Variants in NRG2 observed in about 807,000 individuals in gnomAD.
NRG2 encodes the protein neuregulin 2.
In NRG2, 27 loss-of-function variants were observed where a neutral mutation model predicts 73.9. The ratio of observed to expected loss-of-function variants is 0.37; its 90% CI spans 0.27 to 0.50. The LOEUF (loss-of-function observed/expected upper bound fraction) is 0.50. Among genes scored for constraint, NRG2 ranks in the 20% least tolerant of loss-of-function variants. NRG2 has a pLI of 0.96. For synonymous variants in NRG2, 532 were observed against 541.0 expected (o/e 0.98, Z 0.23); for missense variants, 1,126 against 1,210.1 (o/e 0.93, Z 1.03).
At chr5:139,979,552 AT>A (rs1756635436) in intron 1 of NRG2, among the ~76,000 whole-genome samples, 1 of 152,186 alleles carries the variant, frequency 6.6e-6, no homozygotes, top group African/African-American at 2.4e-5. Flanking sequence ...AACACATAGA[AT>A]GTGGGGAATG....
At chr5:139,909,308 G>T (rs138266162) in intron 1 of NRG2, among the ~76,000 whole-genome samples, 2 of 152,256 alleles carry the variant, frequency 1.3e-5, no homozygotes, top group Admixed American at 6.5e-5. Flanking sequence ...CAGTGAAAGG[G>T]GAAAAAACCC....
intron 1 of NRG2, among the ~76,000 whole-genome samples, chr5:140,013,305 A>G (rs1759514806): frequency 6.6e-6 from 1 of 152,184 alleles, no homozygotes; most frequent in Admixed American, 6.5e-5. Flanking sequence ...GCATTTAGAC[A>G]ATCTCCTCTC....
chr5:139,978,057 C>A (rs1756510281), intron 1 of NRG2, among the ~76,000 whole-genome samples: 1 of 152,126 alleles, frequency 6.6e-6, no homozygotes, highest in South Asian at 2.1e-4. Context: ...GTCTAAAACA[C>A]CAAAAGCAAT....
intron 1 of NRG2, among the ~76,000 whole-genome samples, chr5:139,987,351 G>C (rs1248905933): frequency 8.0e-6 from 1 of 124,722 alleles, no homozygotes; most frequent in Non-Finnish European, 1.6e-5. Context: ...CTGGGTGACA[G>C]AGCAAGACTC....
intron 1 of NRG2, among the ~76,000 whole-genome samples, chr5:139,930,955 A>G (rs1486751367): frequency 6.6e-6 from 1 of 152,220 alleles, no homozygotes; most frequent in Non-Finnish European, 1.5e-5. Context: ...AAGAGGTTAC[A>G]AGTCCAACTA....
chr5:139,999,512 T>C (rs752598215), intron 1 of NRG2, among the ~76,000 whole-genome samples: 7 of 152,224 alleles, frequency 4.6e-5, no homozygotes, highest in Non-Finnish European at 8.8e-5. Flanking sequence ...CTGGCCTGCA[T>C]TGCCCTATCC....
chr5:139,887,314 T>C lies in NRG2; in HGVS notation c.872+26A>G. The C allele has an allele frequency of 6.2e-7, 1 of 1,612,096 alleles. No homozygotes were observed. The highest frequency in any genetic ancestry group is 8.5e-7 in the Non-Finnish European group (1 of 1,178,420). On this transcript the variant is annotated intron_variant, in intron 2 of 9. Coordinates refer to ENST00000361474, the MANE Select transcript of NRG2 (RefSeq NM_004883.3). This position sits in a 1 kb window ranked among gnomAD's most constrained non-coding sequence, Gnocchi z 4.5. ...AGAGGAGGGAGGGCAGCTGCTTGGATGGAGGACAGGCTGGATATTGCTTAC... is the reference window on the plus strand; with the variant it reads ...AGAGGAGGGAGGGCAGCTGCTTGGACGGAGGACAGGCTGGATATTGCTTAC...
chr5:140,042,811 C>G lies in NRG2; in HGVS notation c.259G>C (p.Ala87Pro). The change falls in exon 1 of 10, where the codon GCC becomes CCC. Residue 87 changes from alanine to proline, a missense_variant. Physicochemically the swap from Ala to Pro is conservative, Grantham distance 27 (BLOSUM62 -1). Around this residue, in one of 3 missense-constraint regions of NRG2, gnomAD observed 185 missense variants for 149.0 expected, o/e 1.24. Transcript: ENST00000361474. Reference sequence around the variant, plus strand: ...CGCCTCATGCCGCCGGCGGCTGCGGCTCGCGAACGGGCGGCGGCTCTCCGG... The same window carrying G: ...CGCCTCATGCCGCCGGCGGCTGCGGGTCGCGAACGGGCGGCGGCTCTCCGG... Reference protein sequence around the residue: ...AARRAAARSRAAAAGGMRRDP... With the variant: ...AARRAAARSRPAAAGGMRRDP... The G allele has an allele frequency of 1.3e-6, 2 of 1,497,496 alleles. No individual in the cohort carries two copies. The highest frequency in any genetic ancestry group is 1.8e-6 in the Non-Finnish European group (2 of 1,126,556). The allele number at this position is 1,497,496 out of a possible 1,614,324, so 92.8% of individuals were successfully genotyped here.
chr5:139,967,610 T>C (rs1755632280), intron 1 of NRG2, among the ~76,000 whole-genome samples: 1 of 152,166 alleles, frequency 6.6e-6, no homozygotes. Context: ...ATCAGAGATG[T>C]AGAATGCCTG....
At chr5:139,982,563 A>G (rs1289707954) in intron 1 of NRG2, among the ~76,000 whole-genome samples, 1 of 152,202 alleles carries the variant, frequency 6.6e-6, no homozygotes, top group African/African-American at 2.4e-5. Flanking sequence ...GTCGTAGTCA[A>G]TTAGAAGGGA....
At chr5:139,986,054 A>G (rs976751140) in intron 1 of NRG2, among the ~76,000 whole-genome samples, 1 of 152,184 alleles carries the variant, frequency 6.6e-6, no homozygotes, top group Non-Finnish European at 1.5e-5. Context: ...ACATAGTCAC[A>G]TGTTTACCCC....
intron 1 of NRG2, among the ~76,000 whole-genome samples, chr5:139,912,518 T>G (rs766869964): frequency 3.9e-5 from 6 of 152,114 alleles, no homozygotes; most frequent in Non-Finnish European, 8.8e-5. Context: ...ATGGCAGGTC[T>G]CAGGGACCCT....
chr5:139,909,219 C>T (rs564909780), intron 1 of NRG2, among the ~76,000 whole-genome samples: 2 of 152,316 alleles, frequency 1.3e-5, no homozygotes, highest in East Asian at 1.9e-4. Context: ...TTTTCCCTTC[C>T]ACTTTGAGGC....
chr5:139,959,926 C>G (rs917685523), intron 1 of NRG2, among the ~76,000 whole-genome samples: 3 of 152,346 alleles, frequency 2.0e-5, no homozygotes, highest in African/African-American at 7.2e-5. Flanking sequence ...TCTTAGACAA[C>G]TGGCATTGAG....
At chr5:139,992,630 G>A (rs1250522360) in intron 1 of NRG2, among the ~76,000 whole-genome samples, 1 of 152,062 alleles carries the variant, frequency 6.6e-6, no homozygotes, top group Non-Finnish European at 1.5e-5. Context: ...CATTTATCAT[G>A]AATAATTGTC....
At chr5:139,885,339 G>A (rs1763794508) in intron 2 of NRG2, among the ~76,000 whole-genome samples, 1 of 152,244 alleles carries the variant, frequency 6.6e-6, no homozygotes, top group Admixed American at 6.5e-5. Context: ...CCGGGGAGCA[G>A]GTATTCCCAG....
intron 1 of NRG2, among the ~76,000 whole-genome samples, chr5:140,011,094 A>T (rs370850567): frequency 1.2e-4 from 18 of 152,362 alleles, no homozygotes; most frequent in African/African-American, 4.3e-4. Context: ...AGGTGATCTT[A>T]TCTTGTTACA....
At chr5:139,968,417 C>G (rs1438880297) in intron 1 of NRG2, among the ~76,000 whole-genome samples, 1 of 152,184 alleles carries the variant, frequency 6.6e-6, no homozygotes, top group Non-Finnish European at 1.5e-5. Flanking sequence ...GGAACATCCT[C>G]CCTATAGAGA....
intron 1 of NRG2, among the ~76,000 whole-genome samples, chr5:139,981,968 T>C (rs1442381253): frequency 1.3e-5 from 2 of 152,098 alleles, no homozygotes; most frequent in Non-Finnish European, 2.9e-5. Context: ...AAAGAAGAGC[T>C]TGACAGCAAT....
Sources: gnomAD v4.1 joint callset for allele counts (sites outside exome capture counted in the v4.1 genomes callset) on GRCh38, gnomAD v4.1.1 for gene constraint, gnomAD v4.1.1 regional missense constraint, Gnocchi (gnomAD v3.1) non-coding constraint, MANE v1.5 for transcripts, NCBI Gene and HGNC (gene_info 2026-07-23, HGNC 2026-07-21) for gene names.